The following MBOAT1 variants were observed in gnomAD, a reference collection of about 807,000 sequenced individuals.
The protein encoded by MBOAT1 is membrane bound glycerophospholipid O-acyltransferase 1, also known as membrane-bound glycerophospholipid O-acyltransferase 1.
In MBOAT1, 67 loss-of-function variants were observed where a neutral mutation model predicts 64.4. The ratio of observed to expected loss-of-function variants is 1.04; its 90% confidence interval spans 0.85 to 1.27. MBOAT1 has a LOEUF of 1.27. MBOAT1 is among the 50% of genes most tolerant of loss of function. MBOAT1 has a pLI of 0.00. For missense variants in MBOAT1, 563 were observed against 604.6 expected, an observed-to-expected ratio of 0.93 and a Z score of 0.72; for synonymous variants, 229 against 218.9, an observed-to-expected ratio of 1.05 and a Z score of -0.41.
chr6:20,102,886 C>G (rs1474964208), intron 12 of MBOAT1, among the ~76,000 whole-genome samples: 1 of 152,084 alleles, frequency 6.6e-6, no homozygotes, highest in Admixed American at 6.6e-5. Flanking sequence ...TCGTAGCCAT[C>G]GTAATGTCAT....
At chr6:20,104,974 T>A (rs1759908532) in intron 12 of MBOAT1, among the ~76,000 whole-genome samples, 1 of 152,196 alleles carries the variant, frequency 6.6e-6, no homozygotes, top group African/African-American at 2.4e-5. Flanking sequence ...AACAGCTGTT[T>A]AACCAGGGAA....
chr6:20,140,347 T>C (rs1310676947), intron 4 of MBOAT1, among the ~76,000 whole-genome samples: 1 of 152,220 alleles, frequency 6.6e-6, no homozygotes, highest in Non-Finnish European at 1.5e-5. Flanking sequence ...TAAGTTGTGA[T>C]GGTCAATTTT....
At chr6:20,195,385 T>C (rs1440928546) in intron 1 of MBOAT1, among the ~76,000 whole-genome samples, 2 of 152,182 alleles carry the variant, frequency 1.3e-5, no homozygotes, top group African/African-American at 2.4e-5. Flanking sequence ...TTATGACTTT[T>C]GGTTTTTCAG....
intron 12 of MBOAT1, among the ~76,000 whole-genome samples, chr6:20,103,723 G>C (rs1051936450): frequency 1.3e-5 from 2 of 152,138 alleles, no homozygotes; most frequent in African/African-American, 4.8e-5. Context: ...CACCATGCCC[G>C]GCCACCATGT....
intron 9 of MBOAT1, among the ~76,000 whole-genome samples, chr6:20,117,098 A>G (rs1034901815): frequency 6.6e-6 from 1 of 152,216 alleles, no homozygotes; most frequent in Non-Finnish European, 1.5e-5. Flanking sequence ...AATGTGGTCC[A>G]TCGTGACCGG....
At chr6:20,145,264 G>A (rs1053889214) in intron 3 of MBOAT1, among the ~76,000 whole-genome samples, 3 of 152,080 alleles carry the variant, frequency 2.0e-5, no homozygotes, top group Non-Finnish European at 2.9e-5. Flanking sequence ...ACAAGAAGAC[G>A]GCAGTCTGTA....
intron 4 of MBOAT1, among the ~76,000 whole-genome samples, chr6:20,135,505 G>A (rs1760960734): frequency 1.3e-5 from 2 of 151,994 alleles, no homozygotes; most frequent in South Asian, 4.1e-4. Context: ...CAAAATCTTA[G>A]ATTTGAGCAA....
rs76609146 is a variant in MBOAT1 at position 20,207,247 on chromosome 6, T to C, written c.99+4889A>G. Among the ~76,000 whole-genome samples, 701 of 152,294 alleles carry C rather than the reference T, an allele frequency of 4.6e-3. 4 individuals carry two copies. The highest frequency in any genetic ancestry group is 0.016 in the African/African-American group (664 of 41,556). On this transcript the variant is annotated intron_variant, in intron 1 of 12. Coordinates refer to ENST00000324607, the MANE Select transcript of MBOAT1 (RefSeq NM_001080480.3). ...CGCAAAACCCTTGCTTCCTCCTCCA[T>C]CCCTACTTCCTTCAGTGAGGACCTT...
chr6:20,149,700 T>A (rs1330816466), intron 3 of MBOAT1, among the ~76,000 whole-genome samples: 1 of 152,194 alleles, frequency 6.6e-6, no homozygotes, highest in African/African-American at 2.4e-5. Context: ...TCCTTTGGAT[T>A]CTATGTTGAA....
intron 6 of MBOAT1, among the ~76,000 whole-genome samples, chr6:20,127,291 A>C (rs1760683409): frequency 6.6e-6 from 1 of 152,140 alleles, no homozygotes; most frequent in East Asian, 1.9e-4. Context: ...GTGGTGCTTT[A>C]ATGGCATTTT....
chr6:20,177,443 C>T (rs1444300640), intron 1 of MBOAT1, among the ~76,000 whole-genome samples: 1 of 152,148 alleles, frequency 6.6e-6, no homozygotes, highest in African/African-American at 2.4e-5. Context: ...ATCCTCCTGC[C>T]TCAGTCTCCC....
intron 1 of MBOAT1, among the ~76,000 whole-genome samples, chr6:20,207,967 C>T (rs550690970): frequency 6.6e-6 from 1 of 152,216 alleles, no homozygotes; most frequent in East Asian, 1.9e-4. Flanking sequence ...CTTTGTATTT[C>T]TACCATATGG....
intron 1 of MBOAT1, among the ~76,000 whole-genome samples, chr6:20,168,498 AGAGAGAGAG>A (rs1389824911): frequency 9.4e-5 from 10 of 106,850 alleles, no homozygotes; most frequent in African/African-American, 4.2e-4. Context: ...AGACAGAGAG[AGAGAGAGAG>A]GAGAGGAGAG....
chr6:20,103,419 T>TTTTGTTTG (rs150927645), intron 12 of MBOAT1, among the ~76,000 whole-genome samples: 4 of 152,010 alleles, frequency 2.6e-5, no homozygotes, highest in Non-Finnish European at 2.9e-5. Flanking sequence ...TGTTTTGGTT[T>TTTTGTTTG]TTTGTTTGTT....
chr6:20,160,385 G>C (rs2113708334), intron 1 of MBOAT1, among the ~76,000 whole-genome samples: 1 of 152,270 alleles, frequency 6.6e-6, no homozygotes, highest in East Asian at 1.9e-4. Context: ...CTACTGCAGT[G>C]GTTTACCAGT....
At chr6:20,193,998 T>C (rs554678706) in intron 1 of MBOAT1, among the ~76,000 whole-genome samples, 10 of 152,288 alleles carry the variant, frequency 6.6e-5, no homozygotes, top group African/African-American at 2.2e-4. Flanking sequence ...ATCACAAACA[T>C]ATAACAGTGT....
chr6:20,212,175 C>T lies in MBOAT1; in HGVS notation c.60G>A (p.Leu20=). ...LSYRTTGSTY[L]HPLSELLGIP... is the part of the protein sequence containing the mutation. ...TGCCCAGGAGCTCGCTGAGCGGGTG[C>T]AGGTAGGTGGAGCCCGTGGTGCGGT... Residue 20 remains leucine, a synonymous_variant, in exon 1 of 13, where the codon CTG becomes CTA. Coordinates refer to ENST00000324607, the MANE Select transcript of MBOAT1 (RefSeq NM_001080480.3). The T allele has an allele frequency of 3.1e-6, 5 of 1,613,634 alleles. No individual in the cohort carries two copies. Among genetic ancestry groups the T allele is most frequent in the Non-Finnish European group, 3.4e-6 (4 of 1,179,884 alleles).
At chr6:20,128,181 C>T (rs753450728) in intron 6 of MBOAT1, among the ~76,000 whole-genome samples, 2 of 151,958 alleles carry the variant, frequency 1.3e-5, no homozygotes, top group African/African-American at 4.8e-5. Flanking sequence ...TTCTCCAACA[C>T]TCCCCCTTCC....
intron 3 of MBOAT1, among the ~76,000 whole-genome samples, chr6:20,147,032 G>T (rs1002545129): frequency 6.6e-6 from 1 of 152,158 alleles, no homozygotes; most frequent in African/African-American, 2.4e-5. Context: ...GTGATAGTGA[G>T]TAAGTCCCAC....
Sources: allele counts gnomAD v4.1 joint callset (sites outside exome capture counted in the v4.1 genomes callset), GRCh38; gene constraint gnomAD v4.1.1; transcripts MANE v1.5; gene names NCBI Gene and HGNC (gene_info 2026-07-23, HGNC 2026-07-21).